CABCOCO1: variants seen among roughly 807,000 people sequenced by gnomAD.
The protein encoded by CABCOCO1 is ciliary-associated calcium-binding coiled-coil protein 1.
Under a neutral mutation model 35.7 loss-of-function variants are expected in CABCOCO1, and 28 were observed. The observed-to-expected ratio is 0.78, with a 90% CI of 0.58 to 1.07. The LOEUF is 1.07. Among genes scored for constraint, CABCOCO1 ranks in the 50% least tolerant of loss-of-function variants. CABCOCO1 has a pLI of 0.00. For synonymous variants in CABCOCO1, 95 were observed against 100.1 expected, an observed-to-expected ratio of 0.95 and a Z score of 0.30; for missense variants, 326 against 309.2, an observed-to-expected ratio of 1.05 and a Z score of -0.41.
chr10:61,707,386 G>A (rs762501735), intron 5 of CABCOCO1, among the ~76,000 whole-genome samples: 14 of 152,094 alleles, frequency 9.2e-5, no homozygotes, highest in Non-Finnish European at 2.1e-4. Flanking sequence ...AACCTCCCTG[G>A]CAGGATGCAA....
At chr10:61,737,101 G>C (rs75331865) in intron 5 of CABCOCO1, among the ~76,000 whole-genome samples, 8,452 of 152,172 alleles carry the variant, frequency 0.056, 525 homozygotes, top group African/African-American at 0.15. Context: ...AACAGAGCTA[G>C]TTTGGCTTCC....
At position 61,766,064 on chromosome 10, in the gene CABCOCO1, C is replaced by T; in HGVS notation, c.*51C>T. 6.6e-7 allele frequency: 1 copy of T among 1,512,476 alleles called. No individual in the cohort carries two copies. The highest frequency in any genetic ancestry group is 9.1e-7 in the Non-Finnish European group (1 of 1,095,196). The allele number at this position is 1,512,476 out of a possible 1,614,324, so 93.7% of individuals were successfully genotyped here. A position where few individuals can be genotyped will look rare whatever the true frequency, so the allele number is the denominator to read the frequency against. On this transcript the variant is annotated 3_prime_UTR_variant, in exon 8 of 8. Transcript: ENST00000648843. The stretch of plus-strand genomic sequence containing the variant: ...TAAACTTCACAGAAACAAACAAAAC[C>T]AGCCAGAATAACAGACTCTCTGGAG...
intron 1 of CABCOCO1, among the ~76,000 whole-genome samples, chr10:61,671,482 T>C (rs1023200777): frequency 5.3e-5 from 8 of 152,116 alleles, no homozygotes; most frequent in Non-Finnish European, 1.2e-4. Flanking sequence ...TTTTCAGCAC[T>C]TCCTCCACCC....
intron 3 of CABCOCO1, 131 bp downstream of exon 3, chr10:61,681,443 A>T (rs1205665432): frequency 3.2e-6 from 2 of 618,022 alleles, no homozygotes; most frequent in South Asian, 2.5e-5. Flanking sequence ...GAGTATAACA[A>T]ATACATAGTT....
At chr10:61,678,691 C>T (rs1275164490) in intron 2 of CABCOCO1, among the ~76,000 whole-genome samples, 1 of 152,046 alleles carries the variant, frequency 6.6e-6, no homozygotes, top group Non-Finnish European at 1.5e-5. Flanking sequence ...GCGGTAGCAA[C>T]TAAAGCCACT....
At chr10:61,718,711 A>C (rs36058713) in intron 5 of CABCOCO1, among the ~76,000 whole-genome samples, 2,375 of 152,292 alleles carry the variant, frequency 0.016, 40 homozygotes, top group East Asian at 0.046. Context: ...CAAGCAATTA[A>C]GTTTAAAATA....
At chr10:61,765,063 T>C (rs532276094) in intron 7 of CABCOCO1, among the ~76,000 whole-genome samples, 1 of 152,302 alleles carries the variant, frequency 6.6e-6, no homozygotes, top group East Asian at 1.9e-4. Flanking sequence ...AATAATGTTA[T>C]AGCTATTAGA....
At chr10:61,725,753 TATA>T in intron 5 of CABCOCO1, among the ~76,000 whole-genome samples, 1 of 152,016 alleles carries the variant, frequency 6.6e-6, no homozygotes, top group Non-Finnish European at 1.5e-5. Flanking sequence ...GAACTTAAAG[TATA>T]ATAAAAAATA....
intron 5 of CABCOCO1, among the ~76,000 whole-genome samples, chr10:61,723,013 T>C (rs1367976044): frequency 1.3e-5 from 2 of 152,332 alleles, no homozygotes; most frequent in African/African-American, 4.8e-5. Context: ...TGAAAAATAA[T>C]GATTCAAATC....
At chr10:61,695,147 T>C (rs952136732) in intron 5 of CABCOCO1, among the ~76,000 whole-genome samples, 2 of 151,602 alleles carry the variant, frequency 1.3e-5, no homozygotes, top group African/African-American at 4.8e-5. Context: ...AAATATAAAA[T>C]ATATAAATTT....
chr10:61,695,710 A>G (rs1383062315), intron 5 of CABCOCO1, among the ~76,000 whole-genome samples: 4 of 152,074 alleles, frequency 2.6e-5, no homozygotes, highest in Non-Finnish European at 5.9e-5. Flanking sequence ...GAGCCAGAGG[A>G]CCATGAAGTA....
At chr10:61,717,329 T>C (rs1291461825) in intron 5 of CABCOCO1, among the ~76,000 whole-genome samples, 1 of 152,214 alleles carries the variant, frequency 6.6e-6, no homozygotes, top group Non-Finnish European at 1.5e-5. Flanking sequence ...AATGGAGTAC[T>C]ATTTTATGAA....
chr10:61,693,645 A>T (rs1380787033), intron 5 of CABCOCO1, among the ~76,000 whole-genome samples: 1 of 152,082 alleles, frequency 6.6e-6, no homozygotes, highest in African/African-American at 2.4e-5. Context: ...ACCAGACATC[A>T]CTGCTTTTTA....
intron 5 of CABCOCO1, among the ~76,000 whole-genome samples, chr10:61,756,058 T>C (rs924926843): frequency 3.9e-5 from 6 of 152,046 alleles, no homozygotes; most frequent in African/African-American, 1.4e-4. Flanking sequence ...ATTTGCCATG[T>C]AAATAACGAC....
intron 3 of CABCOCO1, chr10:61,685,445 TAAAG>T (rs1170324117): frequency 6.6e-6 from 1 of 152,266 alleles, no homozygotes; most frequent in East Asian, 1.9e-4. Flanking sequence ...CTTTTCATTT[TAAAG>T]AAAGATTTTA....
At chr10:61,680,508 G>C in intron 2 of CABCOCO1, among the ~76,000 whole-genome samples, 1 of 133,860 alleles carries the variant, frequency 7.5e-6, no homozygotes, top group Non-Finnish European at 1.6e-5. Flanking sequence ...GTTATATTAT[G>C]TTATATATAA....
chr10:61,676,664 T>A (rs760829822), intron 2 of CABCOCO1, among the ~76,000 whole-genome samples: 3 of 152,070 alleles, frequency 2.0e-5, no homozygotes, highest in South Asian at 2.1e-4. Context: ...AGGGTTAATA[T>A]CCCTAAGTAT....
At chr10:61,708,466 C>T (rs887845148) in intron 5 of CABCOCO1, among the ~76,000 whole-genome samples, 1 of 152,006 alleles carries the variant, frequency 6.6e-6, no homozygotes, top group African/African-American at 2.4e-5. Flanking sequence ...TCATAAGCAA[C>T]AAGAATTTAT....
At chr10:61,664,831 G>A (rs747117223) in intron 1 of CABCOCO1, among the ~76,000 whole-genome samples, 1 of 152,124 alleles carries the variant, frequency 6.6e-6, no homozygotes, top group Non-Finnish European at 1.5e-5. Context: ...TGGGGGTGTC[G>A]TATGTTAGAT....
Sources: allele counts gnomAD v4.1 joint callset (sites outside exome capture counted in the v4.1 genomes callset), GRCh38; gene constraint gnomAD v4.1.1; transcripts MANE v1.5; gene names NCBI Gene and HGNC (gene_info 2026-07-23, HGNC 2026-07-21).